The following MALT1 variants were observed in gnomAD, a reference collection of about 807,000 sequenced individuals.
MALT1 encodes MALT1 paracaspase, also known as mucosa-associated lymphoid tissue lymphoma translocation protein 1.
MALT1 carries 36 observed loss-of-function variants against 85.5 expected under a neutral mutation model. That is an observed-to-expected ratio of 0.42 (90% confidence interval 0.32 to 0.56). MALT1 has a LOEUF of 0.56. Among genes scored for constraint, MALT1 ranks in the 20% least tolerant of loss-of-function variants. The pLI is 0.10. For missense variants in MALT1, 716 were observed against 981.6 expected, an observed-to-expected ratio of 0.73 and a Z score of 3.62; for synonymous variants, 359 against 361.3, an observed-to-expected ratio of 0.99 and a Z score of 0.07.
intron 4 of MALT1, among the ~76,000 whole-genome samples, chr18:58,703,174 T>C (rs2144368924): frequency 6.6e-6 from 1 of 152,152 alleles, no homozygotes; most frequent in Admixed American, 6.5e-5. Context: ...CTGACCAACA[T>C]GGTGAAACCC....
chr18:58,687,751 T>C (rs1419113909), intron 2 of MALT1, among the ~76,000 whole-genome samples: 1 of 152,236 alleles, frequency 6.6e-6, no homozygotes, highest in Non-Finnish European at 1.5e-5. Context: ...CAAGGGAAGC[T>C]ATGTGTCCTT....
At chr18:58,744,316 TG>T in intron 14 of MALT1, 21 bp from the exon 15 acceptor site, 6 of 1,568,498 alleles carry the variant, frequency 3.8e-6, no homozygotes, top group Non-Finnish European at 5.2e-6. Flanking sequence ...CTACCAAAGT[TG>T]TTCTTATTGT....
intron 12 of MALT1, 45 bp from the exon 13 acceptor site, chr18:58,735,157 A>G (rs1460802798): frequency 7.8e-6 from 12 of 1,540,330 alleles, no homozygotes; most frequent in East Asian, 6.8e-5. Context: ...AACATACAGT[A>G]TTTGCCTTTC....
chr18:58,747,023 G>A (rs979475419), intron 16 of MALT1, among the ~76,000 whole-genome samples: 9 of 152,070 alleles, frequency 5.9e-5, no homozygotes, highest in East Asian at 1.9e-4. Context: ...CCACCACGCC[G>A]GGCCCAGATC....
At chr18:58,689,905 G>C (rs897236821) in intron 2 of MALT1, among the ~76,000 whole-genome samples, 1 of 152,202 alleles carries the variant, frequency 6.6e-6, no homozygotes, top group African/African-American at 2.4e-5. Flanking sequence ...GAAGGAAGGA[G>C]GCCCAGTATG....
At chr18:58,729,506 GAAAA>G (rs11355331) in intron 10 of MALT1, among the ~76,000 whole-genome samples, 9 of 127,762 alleles carry the variant, frequency 7.0e-5, no homozygotes, top group Non-Finnish European at 1.6e-4. Flanking sequence ...AAAAAAAAAA[GAAAA>G]AAAAAATTAT....
intron 13 of MALT1, among the ~76,000 whole-genome samples, chr18:58,738,773 T>G (rs1463596875): frequency 1.5e-5 from 2 of 130,636 alleles, no homozygotes; most frequent in Non-Finnish European, 3.2e-5. Flanking sequence ...TCTTTTTATG[T>G]CATTTGTGCA....
At chr18:58,729,507 A>AG (rs1568149089) in intron 10 of MALT1, among the ~76,000 whole-genome samples, 7 of 102,464 alleles carry the variant, frequency 6.8e-5, no homozygotes, top group African/African-American at 3.5e-4. Flanking sequence ...AAAAAAAAAG[A>AG]AAAAAAAAAT....
intron 8 of MALT1, among the ~76,000 whole-genome samples, chr18:58,714,871 A>G (rs1184970879): frequency 6.6e-6 from 1 of 152,186 alleles, no homozygotes; most frequent in Non-Finnish European, 1.5e-5. Flanking sequence ...ATTTGTAGAA[A>G]ACCCTATTAC....
intron 10 of MALT1, among the ~76,000 whole-genome samples, chr18:58,732,696 C>T (rs1555688801): frequency 6.6e-6 from 1 of 151,156 alleles, no homozygotes; most frequent in Non-Finnish European, 1.5e-5. Flanking sequence ...GTAAGACTAT[C>T]TCTGCCCTAA....
At chr18:58,705,656 A>G (rs1389316892) in intron 4 of MALT1, among the ~76,000 whole-genome samples, 3 of 150,510 alleles carry the variant, frequency 2.0e-5, no homozygotes, top group African/African-American at 2.4e-5. Context: ...ACATGAACTC[A>G]TCATTTTTTA....
chr18:58,738,496 G>A (rs1054347488), intron 13 of MALT1, among the ~76,000 whole-genome samples: 2 of 152,104 alleles, frequency 1.3e-5, no homozygotes, highest in African/African-American at 4.8e-5. Context: ...TTTCTTTGCA[G>A]TATAATTCTA....
chr18:58,733,763 T>C (rs2055186901), intron 11 of MALT1, 189 bp downstream of exon 11: 1 of 742,778 alleles, frequency 1.3e-6, no homozygotes, highest in Non-Finnish European at 2.0e-6. Context: ...ACTCTTCATA[T>C]TTGCTATAGA....
At chr18:58,733,680 A>G in intron 11 of MALT1, 106 bp downstream of exon 11, 1 of 942,902 alleles carries the variant, frequency 1.1e-6, no homozygotes, top group African/African-American at 1.7e-5. Context: ...TGTGAATTTT[A>G]GTTTATACAT....
At chr18:58,695,596 A>G (rs1019262692) in intron 2 of MALT1, among the ~76,000 whole-genome samples, 2 of 152,200 alleles carry the variant, frequency 1.3e-5, no homozygotes, top group Non-Finnish European at 2.9e-5. Context: ...TGTCCATTGC[A>G]TGCTTCCATA....
intron 3 of MALT1, among the ~76,000 whole-genome samples, chr18:58,697,716 T>G (rs1232233627): frequency 6.6e-6 from 1 of 152,214 alleles, no homozygotes; most frequent in Non-Finnish European, 1.5e-5. Context: ...AAAATGCATC[T>G]TAGAGTTGAA....
chr18:58,679,215 A>G (rs919382350), intron 1 of MALT1, among the ~76,000 whole-genome samples: 1 of 152,258 alleles, frequency 6.6e-6, no homozygotes, highest in African/African-American at 2.4e-5. Context: ...TACTGCACAC[A>G]ATAACATGGA....
chr18:58,680,161 A>G (rs1241882916), intron 1 of MALT1, among the ~76,000 whole-genome samples: 1 of 152,222 alleles, frequency 6.6e-6, no homozygotes, highest in Non-Finnish European at 1.5e-5. Flanking sequence ...TTTCTTAGAT[A>G]CCTTTTCAGA....
At chr18:58,737,018 C>G (rs1320051605) in intron 13 of MALT1, among the ~76,000 whole-genome samples, 1 of 152,032 alleles carries the variant, frequency 6.6e-6, no homozygotes, top group Non-Finnish European at 1.5e-5. Context: ...GCTGTTTCTC[C>G]CTTTGGATCT....
Sources: gnomAD v4.1 joint callset for allele counts (sites outside exome capture counted in the v4.1 genomes callset) on GRCh38, gnomAD v4.1.1 for gene constraint, MANE v1.5 for transcripts, NCBI Gene and HGNC (gene_info 2026-07-23, HGNC 2026-07-21) for gene names.